ATP1B2: variants seen among roughly 807,000 people sequenced by gnomAD.
ATP1B2 encodes ATPase Na+/K+ transporting subunit beta 2, also known as sodium/potassium-transporting ATPase subunit beta-2.
A neutral mutation model predicts 37.3 loss-of-function variants in ATP1B2; 12 were observed. The observed-to-expected ratio is 0.32, with a 90% CI of 0.21 to 0.52. ATP1B2 has a LOEUF of 0.52. Ranked by LOEUF, ATP1B2 falls within the 20% of genes least tolerant of loss-of-function variation. The pLI, the probability that ATP1B2 is intolerant of heterozygous loss-of-function variation, is 0.96. For synonymous variants in ATP1B2, 139 were observed against 140.5 expected (o/e 0.99, Z 0.07); for missense variants, 324 against 391.6 (o/e 0.83, Z 1.46).
chr17:7,651,724 C>T, intron 1 of ATP1B2, 94 bp downstream of exon 1: 1 of 1,114,590 alleles, frequency 9.0e-7, no homozygotes, highest in South Asian at 1.7e-5. Context: ...GCTCCCCTCC[C>T]GGGTCCCCGG....
Position 7,657,127 on chromosome 17 carries a change from C to G in ATP1B2, c.*1232C>G, listed in dbSNP as rs2072660010. On this transcript the variant is annotated 3_prime_UTR_variant, in exon 7 of 7. Coordinates refer to ENST00000250111, the MANE Select transcript of ATP1B2 (RefSeq NM_001678.5). ...AGAATATCCTTCAAGTTCCACTTCC[C>G]AGGGAGCTCTGGGGGAGGGGCGGCC... is the stretch of plus-strand genomic sequence containing the variant. The G allele has an allele frequency of 6.6e-6, 1 of 152,176 alleles. No homozygotes were observed. Among genetic ancestry groups the G allele is most frequent in the African/African-American group, 2.4e-5 (1 of 41,430 alleles). The allele number at this position is 152,176 out of a possible 1,614,324, so 9.4% of individuals were successfully genotyped here.
upstream of ATP1B2, among the ~76,000 whole-genome samples, chr17:7,650,673 C>G (rs1194249540): frequency 6.6e-6 from 1 of 152,132 alleles, no homozygotes; most frequent in African/African-American, 2.4e-5. Flanking sequence ...TTATCTTTCC[C>G]TCTACTCCGC....
Position 7,655,995 on chromosome 17 carries a change from A to T in ATP1B2, c.*100A>T. 6.8e-7 allele frequency: 1 copy of T among 1,470,044 alleles called. No homozygotes were observed. Among genetic ancestry groups the T allele is most frequent in the Non-Finnish European group, 9.3e-7 (1 of 1,081,018 alleles). The allele number at this position is 1,470,044 out of a possible 1,614,324, so 91.1% of individuals were successfully genotyped here. A position where few individuals can be genotyped will look rare whatever the true frequency, so the allele number is the denominator to read the frequency against. ...CACCCACCCCAAAGGTATTTTTGAT[A>T]ACAGAGCTATGACTTGTCTGAGCCT... On this transcript the variant is annotated 3_prime_UTR_variant, in exon 7 of 7. Transcript: ENST00000250111. This position sits in a 1 kb window ranked among gnomAD's most constrained non-coding sequence, Gnocchi z 4.4.
At chr17:7,650,630 G>C (rs962123220), upstream of ATP1B2, among the ~76,000 whole-genome samples, 12 of 151,712 alleles carry the variant, frequency 7.9e-5, 1 homozygote, top group Admixed American at 3.9e-4. Context: ...AGCATATATC[G>C]GCTTCTCTCT....
In ATP1B2 at chr17:7,654,056, C is replaced by T. The variant is rs758319381; in HGVS notation, c.351C>T (p.Tyr117=). The T allele has an allele frequency of 4.3e-6, 7 of 1,614,044 alleles. No individual in the cohort carries two copies. Among genetic ancestry groups the T allele is most frequent in the Non-Finnish European group, 5.9e-6 (7 of 1,179,948 alleles). Reference sequence around the variant, plus strand: ...CTCTCCCTCCCACCTCTTTAGCTTACAACGACTCTATCCAAGCCCAAAAGA... The same window carrying T: ...CTCTCCCTCCCACCTCTTTAGCTTATAACGACTCTATCCAAGCCCAAAAGA... ...VQKLNKFLEP[Y]NDSIQAQKND... Residue 117 remains tyrosine, a synonymous_variant, in exon 4 of 7, where the codon TAC becomes TAT. Coordinates refer to ENST00000250111, the MANE Select transcript of ATP1B2 (RefSeq NM_001678.5). The surrounding 1 kb of genome is among the most constrained non-coding windows in gnomAD (Gnocchi z 4.9).
chr17:7,647,622 C>T (rs2072582740), upstream of ATP1B2, among the ~76,000 whole-genome samples: 1 of 151,984 alleles, frequency 6.6e-6, no homozygotes, highest in South Asian at 2.1e-4. Flanking sequence ...AGTTCCAGAC[C>T]AGACTGACCA....
At position 7,655,587 on chromosome 17, in the gene ATP1B2, G is replaced by A. The variant is rs529731078; in HGVS notation, c.670G>A (p.Asp224Asn). The change falls in exon 6 of 7, where the codon GAC becomes AAC. Residue 224 changes from aspartate (D) to asparagine (N), a missense_variant. By Grantham distance (23) the Asp-to-Asn change is conservative (BLOSUM62 1). Coordinates refer to ENST00000250111, the MANE Select transcript of ATP1B2 (RefSeq NM_001678.5). This position sits in a 1 kb window ranked among gnomAD's most constrained non-coding sequence, Gnocchi z 4.4. ...CATGTTCCCCGCCAACGGCAACATCGACCTCATGTACTTCCCCTACTATGG... is the reference window on the plus strand; with the variant it reads ...CATGTTCCCCGCCAACGGCAACATCAACCTCATGTACTTCCCCTACTATGG... ...FVMFPANGNI[D>N]LMYFPYYGKK... 3 of 1,614,086 alleles carry A rather than the reference G, an allele frequency of 1.9e-6. No homozygotes were observed. The highest frequency in any genetic ancestry group is 2.7e-5 in the African/African-American group (2 of 75,000).
upstream of ATP1B2, among the ~76,000 whole-genome samples, chr17:7,647,356 C>T (rs1220284310): frequency 6.6e-6 from 1 of 152,124 alleles, no homozygotes; most frequent in Admixed American, 6.6e-5. Context: ...TCCTTCCTTC[C>T]TTATCAGGAA....
Position 7,655,836 on chromosome 17 carries a change from G to A in ATP1B2, c.814G>A (p.Asp272Asn), listed in dbSNP as rs373212937. ...RINAANIATD[D>N]ERDKFAGRVA... ...CAACGCCGCCAACATCGCCACAGAC[G>A]ATGAGCGAGACAAGTTCGCCGGCCG... Residue 272 changes from aspartate (D) to asparagine (N), a missense_variant, in exon 7 of 7, where the codon GAT (aspartate) becomes AAT (asparagine). Asp to Asn is a conservative substitution (Grantham distance 23). Coordinates refer to ENST00000250111, the MANE Select transcript of ATP1B2 (RefSeq NM_001678.5). The surrounding 1 kb of genome is among the most constrained non-coding windows in gnomAD (Gnocchi z 4.4). The A allele has an allele frequency of 1.9e-6, 3 of 1,614,090 alleles. No homozygotes were observed. The highest frequency in any genetic ancestry group is 2.2e-5 in the East Asian group (1 of 44,884).
Position 7,653,470 on chromosome 17 carries a change from C to T in ATP1B2, c.209C>T (p.Thr70Ile). The T allele has an allele frequency of 1.2e-6, 2 of 1,614,082 alleles. No homozygotes were observed. Among genetic ancestry groups the T allele is most frequent in the South Asian group, 2.2e-5 (2 of 91,076 alleles). The change falls in exon 2 of 7, where the codon ACC (threonine) becomes ATC (isoleucine). Residue 70 changes from threonine (T) to isoleucine (I), a missense_variant. Physicochemically the swap from Thr to Ile is moderately conservative, Grantham distance 89. Transcript: ENST00000250111. ...WVMLQTVSDH[T>I]PKYQDRLATP... Reference sequence around the variant, plus strand: ...ATGCTGCAGACTGTCTCCGACCATACCCCCAAGTACCAGGACCGACTGGCC... The same window carrying T: ...ATGCTGCAGACTGTCTCCGACCATATCCCCAAGTACCAGGACCGACTGGCC...
Position 7,651,515 on chromosome 17 carries a change from C to T in ATP1B2, c.-4C>T. The T allele has an allele frequency of 6.3e-7, 1 of 1,588,684 alleles. No individual in the cohort carries two copies. The highest frequency in any genetic ancestry group is 8.6e-7 in the Non-Finnish European group (1 of 1,168,226). ...CGCGCCCGGACTCGCCCCGCGCCAC[C>T]AAGATGGTCATCCAGAAAGAGAAGA... On this transcript the variant is annotated 5_prime_UTR_variant, in exon 1 of 7. Transcript: ENST00000250111.
intron 1 of ATP1B2, among the ~76,000 whole-genome samples, chr17:7,652,132 G>T (rs1394216091): frequency 6.6e-6 from 1 of 152,098 alleles, no homozygotes; most frequent in Non-Finnish European, 1.5e-5. Context: ...GGCCTTGGGA[G>T]CCTTCTGGGA....
intron 2 of ATP1B2, 99 bp from the exon 3 acceptor site, chr17:7,653,742 G>A (rs41283405): frequency 0.054 from 71,781 of 1,329,834 alleles, 2,544 homozygotes; most frequent in South Asian, 0.12. Flanking sequence ...GATATTCACC[G>A]CTGTCCCCAC....
At position 7,656,970 on chromosome 17, in the gene ATP1B2, C is replaced by G. The variant is rs556515657; in HGVS notation, c.*1075C>G. 2.0e-5 allele frequency: 3 copies of G among 152,322 alleles called. No individual in the cohort carries two copies. The highest frequency in any genetic ancestry group is 1.3e-4 in the Admixed American group (2 of 15,258). 9.4% of individuals were successfully genotyped at this position (152,322 alleles called of 1,614,324 possible). ...TGTTGGGATTACAGGCGTGAGCCACCGCGCCCGGCCTTCAGTTTCTTCCTA... is the reference window on the plus strand; with the variant it reads ...TGTTGGGATTACAGGCGTGAGCCACGGCGCCCGGCCTTCAGTTTCTTCCTA... On this transcript the variant is annotated 3_prime_UTR_variant, in exon 7 of 7. Coordinates refer to ENST00000250111, the MANE Select transcript of ATP1B2 (RefSeq NM_001678.5).
rs983445544 is a variant in ATP1B2 at position 7,655,012 on chromosome 17, C to T, written c.609+328C>T. Among the ~76,000 whole-genome samples the T allele has an allele frequency of 2.6e-5, 4 of 152,076 alleles. No homozygotes were observed. Among genetic ancestry groups the T allele is most frequent in the Admixed American group, 6.6e-5 (1 of 15,260 alleles). ...TCATTCCCAGATTGTCCGTATCGTT[C>T]GCTCTCCCTCCCATATGGCCCCCAC... On this transcript the variant is annotated intron_variant, in intron 5 of 6. Transcript: ENST00000250111. The surrounding 1 kb of genome is among the most constrained non-coding windows in gnomAD (Gnocchi z 4.4).
chr17:7,651,128 T>G lies in ATP1B2; in HGVS notation c.-391T>G. ...CCCCCTCCCCCACCTCTCTCTGCCT[T>G]TTTGTACCCCGCTTTTTTTCTGCGT... is the stretch of plus-strand genomic sequence containing the variant. On this transcript the variant is annotated 5_prime_UTR_variant, in exon 1 of 7. Coordinates refer to ENST00000250111, the MANE Select transcript of ATP1B2 (RefSeq NM_001678.5). The G allele has an allele frequency of 8.9e-6, 2 of 225,598 alleles. No homozygotes were observed. Among genetic ancestry groups the G allele is most frequent in the Non-Finnish European group, 8.9e-6 (1 of 112,228 alleles). The allele number at this position is 225,598 out of a possible 1,614,324, so 14.0% of individuals were successfully genotyped here. A position where few individuals can be genotyped will look rare whatever the true frequency, so the allele number is the denominator to read the frequency against.
At chr17:7,653,740 C>T in intron 2 of ATP1B2, 101 bp from the exon 3 acceptor site, 1 of 1,327,908 alleles carries the variant, frequency 7.5e-7, no homozygotes. Flanking sequence ...CAGATATTCA[C>T]CGCTGTCCCC....
At chr17:7,653,708 C>A in intron 2 of ATP1B2, 133 bp from the exon 3 acceptor site, 1 of 1,235,596 alleles carries the variant, frequency 8.1e-7, no homozygotes, top group Non-Finnish European at 1.1e-6. Flanking sequence ...CACAGGAGAT[C>A]ACCCTCCCAT....
In ATP1B2 at chr17:7,655,907, C is replaced by T; in HGVS notation, c.*12C>T. On this transcript the variant is annotated 3_prime_UTR_variant, in exon 7 of 7. Transcript: ENST00000250111. This position sits in a 1 kb window ranked among gnomAD's most constrained non-coding sequence, Gnocchi z 4.4. ...TCAACAAAACCTGAGGCCCCTTCCTCCCACCCCATCTCTCTCCTGTGGATG... is the reference window on the plus strand; with the variant it reads ...TCAACAAAACCTGAGGCCCCTTCCTTCCACCCCATCTCTCTCCTGTGGATG... 4.3e-6 allele frequency: 7 copies of T among 1,613,560 alleles called. No homozygotes were observed. Among genetic ancestry groups the T allele is most frequent in the South Asian group, 3.3e-5 (3 of 91,050 alleles).
Sources: allele counts gnomAD v4.1 joint callset (sites outside exome capture counted in the v4.1 genomes callset), GRCh38; gene constraint gnomAD v4.1.1; non-coding constraint Gnocchi (gnomAD v3.1); transcripts MANE v1.5; gene names NCBI Gene and HGNC (gene_info 2026-07-23, HGNC 2026-07-21).